The following NCSTN variants were observed in gnomAD, a reference collection of about 807,000 sequenced individuals.
The protein encoded by NCSTN is anterior pharynx-defective 2.
In NCSTN, 22 loss-of-function variants were observed where a neutral mutation model predicts 87.0. The ratio of observed to expected loss-of-function variants is 0.25; its 90% CI spans 0.18 to 0.36. The LOEUF (loss-of-function observed/expected upper bound fraction) is 0.36, where lower values mean the gene tolerates loss of function less well. Among genes scored for constraint, NCSTN ranks in the 10% least tolerant of loss-of-function variants. The probability of loss-of-function intolerance (pLI) is 1.00; values close to 1 mark genes in which losing one functional copy is unlikely to be tolerated. For missense variants in NCSTN, 693 were observed against 883.3 expected, an observed-to-expected ratio of 0.78 and a Z score of 2.73; for synonymous variants, 306 against 327.1, an observed-to-expected ratio of 0.94 and a Z score of 0.69.
intron 16 of NCSTN, 111 bp downstream of exon 16, chr1:160,357,364 G>A: frequency 1.8e-6 from 2 of 1,140,328 alleles, no homozygotes; most frequent in Non-Finnish European, 2.5e-6. Flanking sequence ...TGTAGCAAAA[G>A]CCTACTGCAA....
At chr1:160,351,174 G>A in intron 5 of NCSTN, 48 bp from the exon 6 acceptor site, 1 of 1,605,568 alleles carries the variant, frequency 6.2e-7, no homozygotes, top group Non-Finnish European at 8.5e-7. Context: ...ATGTAAGGGA[G>A]GGCCTCCACA....
At chr1:160,343,593 C>CT in intron 1 of NCSTN, 112 bp downstream of exon 1, 1 of 997,112 alleles carries the variant, frequency 1.0e-6, no homozygotes, top group South Asian at 1.4e-5. Context: ...GTCCCCCCAC[C>CT]CTGTAAATCC....
chr1:160,348,712 C>T (rs1208284438), intron 2 of NCSTN, among the ~76,000 whole-genome samples: 1 of 152,196 alleles, frequency 6.6e-6, no homozygotes, highest in African/African-American at 2.4e-5. Context: ...GTTGTAGAAT[C>T]TTATGTATAT....
intron 2 of NCSTN, among the ~76,000 whole-genome samples, chr1:160,347,224 C>T (rs1234400382): frequency 6.6e-6 from 1 of 152,220 alleles, no homozygotes; most frequent in Non-Finnish European, 1.5e-5. Context: ...ATTTCCAAAT[C>T]TTACTTCGTC....
chr1:160,353,609 C>G (rs908918531), intron 10 of NCSTN: 1 of 1,201,694 alleles, frequency 8.3e-7, no homozygotes, highest in Middle Eastern at 3.7e-4. Context: ...TTGTCCTCCA[C>G]TTTCCTCATT....
rs200757075 is a variant in NCSTN, at chr1:160,355,695, G to A, written c.1393G>A (p.Val465Met). The A allele has an allele frequency of 2.7e-5, 43 of 1,614,104 alleles. No homozygotes were observed. The highest frequency in any genetic ancestry group is 3.4e-5 in the Non-Finnish European group (40 of 1,180,044). ...SIYDTAENIN[V>M]SYPEWLSPEE... ...TTACGACACTGCTGAGAACATTAAT[G>A]TGAGCTATCCCGAATGGCTGAGCCC... Residue 465 changes from valine (V) to methionine (M), a missense_variant, in exon 12 of 17, where the codon GTG (valine) becomes ATG (methionine). Val to Met is a conservative substitution (Grantham distance 21). This residue lies in a region of NCSTN where 216 missense variants were observed against 311.7 expected (regional missense o/e 0.69). Coordinates refer to ENST00000294785, the MANE Select transcript of NCSTN (RefSeq NM_015331.3).
intron 1 of NCSTN, 143 bp from the exon 2 acceptor site, chr1:160,344,579 A>G (rs1648342489): frequency 6.4e-7 from 1 of 1,552,152 alleles, no homozygotes; most frequent in East Asian, 2.4e-5. Context: ...TGTGCCCAAG[A>G]AATCAGAAGA....
chr1:160,354,940 C>T (rs1649054504), intron 11 of NCSTN, among the ~76,000 whole-genome samples: 1 of 152,166 alleles, frequency 6.6e-6, no homozygotes, highest in South Asian at 2.1e-4. Context: ...TATTTCTGAC[C>T]CCAGCCAAGT....
At chr1:160,351,847 A>G in intron 7 of NCSTN, 42 bp downstream of exon 7, 1 of 1,537,904 alleles carries the variant, frequency 6.5e-7, no homozygotes, top group Non-Finnish European at 9.0e-7. Context: ...GGCTGGCACA[A>G]AAAGAGCTGG....
In NCSTN at chr1:160,351,402, G is replaced by A. The variant is rs199585220; in HGVS notation, c.733+30G>A. 1.9e-4 allele frequency: 300 copies of A among 1,610,710 alleles called. 1 individual carries two copies. In the Middle Eastern group the frequency reaches 2.0e-3, roughly 11 times the overall value. On this transcript the variant is annotated intron_variant, in intron 6 of 16. Transcript: ENST00000294785. ...GGCAGATCCGAACCATGAGGGTAAT[G>A]GAATAAGGGGCAGAGGGAGAGTGGA...
At chr1:160,352,014 T>TA in intron 7 of NCSTN, 40 bp from the exon 8 acceptor site, 1 of 1,611,042 alleles carries the variant, frequency 6.2e-7, no homozygotes, top group Non-Finnish European at 8.5e-7. Flanking sequence ...GGGCCAGTTT[T>TA]AAAGTATATA....
chr1:160,351,080 A>G, intron 5 of NCSTN, 142 bp from the exon 6 acceptor site: 1 of 864,112 alleles, frequency 1.2e-6, no homozygotes, highest in South Asian at 1.4e-5. Flanking sequence ...TGGTTCTAGG[A>G]TAACTATAGC....
intron 2 of NCSTN, among the ~76,000 whole-genome samples, chr1:160,348,702 G>A (rs549087786): frequency 1.3e-4 from 20 of 152,326 alleles, no homozygotes; most frequent in Admixed American, 3.3e-4. Context: ...GGTGTCTATT[G>A]TTGTAGAATC....
chr1:160,350,124 T>TGGGCCA lies in NCSTN; in HGVS notation c.458_463dup (p.Gly153_Pro154dup), dbSNP rs1257743585. 1 of 1,614,098 alleles carries TGGGCCA rather than the reference T, an allele frequency of 6.2e-7. No homozygotes were observed. The highest frequency in any genetic ancestry group is 2.2e-5 in the East Asian group (1 of 44,884). On this transcript the variant is annotated inframe_insertion, in exon 5 of 17. Coordinates refer to ENST00000294785, the MANE Select transcript of NCSTN (RefSeq NM_015331.3). Reference sequence around the variant, plus strand: ...CTTCAGGTGTTTACTCCAATTCCTATGGGCCAGAGTTTGCTCACTGCAGAG... The same window carrying TGGGCCA: ...CTTCAGGTGTTTACTCCAATTCCTATGGGCCAGGGCCAGAGTTTGCTCACTGCAGAG...
intron 15 of NCSTN, 75 bp from the exon 16 acceptor site, chr1:160,356,966 C>A: frequency 6.9e-7 from 1 of 1,442,964 alleles, no homozygotes; most frequent in Non-Finnish European, 9.7e-7. Flanking sequence ...TAGAGCATGG[C>A]ACTGATAGAG....
At chr1:160,353,653 A>C in intron 10 of NCSTN, 1 of 984,756 alleles carries the variant, frequency 1.0e-6, no homozygotes, top group Non-Finnish European at 1.2e-6. Flanking sequence ...CTCTAGGTCC[A>C]CCTTTAGGCC....
chr1:160,357,648 CA>C (rs1274502906), intron 16 of NCSTN, among the ~76,000 whole-genome samples: 2 of 152,204 alleles, frequency 1.3e-5, no homozygotes, highest in Non-Finnish European at 2.9e-5. Flanking sequence ...TCAGGTGATC[CA>C]CCTTTCTTGG....
chr1:160,352,389 CT>C (rs556497983), intron 8 of NCSTN, among the ~76,000 whole-genome samples, 183 bp downstream of exon 8: 123 of 152,300 alleles, frequency 8.1e-4, no homozygotes, highest in Non-Finnish European at 1.4e-3. Flanking sequence ...TAGATTCCTT[CT>C]TTTTAGGAAG....
Position 160,352,039 on chromosome 1 carries a change from T to C in NCSTN, c.844-15T>C. Reference sequence around the variant, plus strand: ...TAAAGTATATATCCCCTGACTTTTCTTCTGTTGTACCTAGCTGGATAGTCG... The same window carrying C: ...TAAAGTATATATCCCCTGACTTTTCCTCTGTTGTACCTAGCTGGATAGTCG... On this transcript the variant is annotated splice_polypyrimidine_tract_variant and intron_variant, in intron 7 of 16. Coordinates refer to ENST00000294785, the MANE Select transcript of NCSTN (RefSeq NM_015331.3). The C allele has an allele frequency of 1.2e-6, 2 of 1,614,046 alleles. No homozygotes were observed. The highest frequency in any genetic ancestry group is 1.7e-6 in the Non-Finnish European group (2 of 1,179,898).
Sources: gnomAD v4.1 joint callset for allele counts (sites outside exome capture counted in the v4.1 genomes callset) on GRCh38, gnomAD v4.1.1 for gene constraint, gnomAD v4.1.1 regional missense constraint, MANE v1.5 for transcripts, NCBI Gene and HGNC (gene_info 2026-07-23, HGNC 2026-07-21) for gene names.